ZNF280D: variants seen among roughly 807,000 people sequenced by gnomAD.
ZNF280D encodes zinc finger protein 280D.
A neutral mutation model predicts 94.7 loss-of-function variants in ZNF280D; 39 were observed. That is an observed-to-expected ratio of 0.41 (90% confidence interval 0.32 to 0.54). The LOEUF is 0.54. ZNF280D is among the 20% of genes least tolerant of loss of function. ZNF280D has a pLI of 0.22. For synonymous variants in ZNF280D, 398 were observed against 377.6 expected (o/e 1.05, Z -0.63); for missense variants, 1,090 against 1,149.3 (o/e 0.95, Z 0.75).
At chr15:56,666,308 GCTT>G in intron 16 of ZNF280D, 84 bp downstream of exon 16, 1 of 1,425,122 alleles carries the variant, frequency 7.0e-7, no homozygotes. Context: ...AGAAAAACTG[GCTT>G]CTAATAGGAT....
chr15:56,707,373 T>C, intron 1 of ZNF280D, 67 bp from the exon 2 acceptor site: 3 of 1,360,148 alleles, frequency 2.2e-6, no homozygotes, highest in Non-Finnish European at 3.0e-6. Context: ...TATTTAATCT[T>C]TTCTCCTATA....
intron 6 of ZNF280D, chr15:56,698,682 T>C (rs1282960686): frequency 6.6e-6 from 1 of 152,162 alleles, no homozygotes. Context: ...ATATATATGA[T>C]TTTTGTGTAC....
intron 10 of ZNF280D, among the ~76,000 whole-genome samples, chr15:56,680,693 T>C (rs556882233): frequency 6.7e-6 from 1 of 150,128 alleles, no homozygotes; most frequent in Non-Finnish European, 1.5e-5. Flanking sequence ...TCCAGGCTGG[T>C]CTGGAACTCC....
At chr15:56,657,800 A>G (rs1248887750) in intron 17 of ZNF280D, among the ~76,000 whole-genome samples, 11 of 152,164 alleles carry the variant, frequency 7.2e-5, no homozygotes, top group African/African-American at 2.7e-4. Context: ...GCTACTTTGG[A>G]AAACAGTCTG....
At position 56,678,766 on chromosome 15, in the gene ZNF280D, A is replaced by C; in HGVS notation, c.1060T>G (p.Trp354Gly). ...TGCTGGCAGGTGGTATGGTTTTCCC[A>C]GCTCTCACTGCTCTGCTTCTCAAGT... is the stretch of plus-strand genomic sequence containing the variant. ...LELEKQSSES[W>G]ENHTTCQHCY... The change falls in exon 11 of 22, where the codon TGG (tryptophan) becomes GGG (glycine). Residue 354 changes from tryptophan (W) to glycine (G), a missense_variant. Physicochemically the swap from Trp to Gly is radical, Grantham distance 184 (BLOSUM62 -2). This residue lies in a region of ZNF280D where 127 missense variants were observed against 208.6 expected (regional missense o/e 0.61). Coordinates refer to ENST00000267807, the MANE Select transcript of ZNF280D (RefSeq NM_017661.4). The C allele has an allele frequency of 6.2e-7, 1 of 1,612,912 alleles. No homozygotes were observed. Among genetic ancestry groups the C allele is most frequent in the Non-Finnish European group, 8.5e-7 (1 of 1,179,400 alleles).
In ZNF280D at chr15:56,631,436, A is replaced by T; in HGVS notation, c.*62T>A. On this transcript the variant is annotated 3_prime_UTR_variant, in exon 22 of 22. Transcript: ENST00000267807. ...AACCTACAACAGCACCACTGAGCTC[A>T]CCTGATAGCACTGTTCCAAATGCCC... 2 of 1,551,812 alleles carry T rather than the reference A, an allele frequency of 1.3e-6. No homozygotes were observed. Among genetic ancestry groups the T allele is most frequent in the Non-Finnish European group, 1.8e-6 (2 of 1,140,556 alleles).
chr15:56,665,245 G>C (rs1315428419), intron 16 of ZNF280D, among the ~76,000 whole-genome samples: 1 of 152,072 alleles, frequency 6.6e-6, no homozygotes, highest in Non-Finnish European at 1.5e-5. Flanking sequence ...TAATCTGCAA[G>C]AAAGTCACTT....
intron 6 of ZNF280D, 80 bp downstream of exon 6, chr15:56,700,853 T>G (rs1293449518): frequency 1.9e-6 from 3 of 1,610,106 alleles, no homozygotes; most frequent in African/African-American, 1.3e-5. Context: ...CAGTCCAGAA[T>G]TGTAACTGGG....
At chr15:56,693,516 T>C (rs1164148863) in intron 6 of ZNF280D, among the ~76,000 whole-genome samples, 4 of 152,060 alleles carry the variant, frequency 2.6e-5, no homozygotes, top group Admixed American at 6.6e-5. Context: ...GGCATATTCT[T>C]AGTTCAACTT....
intron 19 of ZNF280D, chr15:56,653,908 G>C: frequency 1.6e-6 from 2 of 1,265,770 alleles, no homozygotes; most frequent in South Asian, 5.2e-5. Flanking sequence ...AGTCCCATTT[G>C]AAAGCTGAAA....
chr15:56,695,362 T>C (rs1221469534), intron 6 of ZNF280D, among the ~76,000 whole-genome samples: 1 of 152,090 alleles, frequency 6.6e-6, no homozygotes, highest in South Asian at 2.1e-4. Context: ...GGTAAGCCAC[T>C]ATGCCCAGCC....
At chr15:56,636,416 G>T (rs1028295773) in intron 20 of ZNF280D, among the ~76,000 whole-genome samples, 1 of 151,262 alleles carries the variant, frequency 6.6e-6, no homozygotes, top group Non-Finnish European at 1.5e-5. Flanking sequence ...CTCCTTCCCC[G>T]CAACTTACAC....
chr15:56,653,921 A>C, intron 19 of ZNF280D: 1 of 1,295,254 alleles, frequency 7.7e-7, no homozygotes, highest in African/African-American at 1.5e-5. Flanking sequence ...AGCTGAAAAG[A>C]GCTGAATAAT....
intron 1 of ZNF280D, among the ~76,000 whole-genome samples, chr15:56,722,295 C>G (rs1198889962): frequency 6.6e-6 from 1 of 152,110 alleles, no homozygotes; most frequent in Non-Finnish European, 1.5e-5. Context: ...GTGACAGAGA[C>G]AAGAAGTGCT....
intron 10 of ZNF280D, among the ~76,000 whole-genome samples, chr15:56,679,281 G>C (rs527983887): frequency 1.3e-5 from 2 of 152,154 alleles, no homozygotes; most frequent in African/African-American, 4.8e-5. Flanking sequence ...ACAGAGTCAG[G>C]AGGAAATCTT....
intron 3 of ZNF280D, among the ~76,000 whole-genome samples, chr15:56,706,694 G>C (rs2057424093): frequency 6.6e-6 from 1 of 151,918 alleles, no homozygotes; most frequent in Non-Finnish European, 1.5e-5. Flanking sequence ...AACTCATATA[G>C]TATACAAAGG....
intron 1 of ZNF280D, among the ~76,000 whole-genome samples, chr15:56,727,229 G>A (rs1337636856): frequency 1.7e-5 from 1 of 58,350 alleles, no homozygotes; most frequent in Non-Finnish European, 3.4e-5. Flanking sequence ...CAGCACTTTG[G>A]GAGGTGGGTC....
chr15:56,703,076 T>C (rs2057181717), intron 4 of ZNF280D, among the ~76,000 whole-genome samples: 1 of 152,188 alleles, frequency 6.6e-6, no homozygotes, highest in Non-Finnish European at 1.5e-5. Context: ...GTACATTGTT[T>C]CTCTGCACTG....
At chr15:56,660,364 G>T (rs1028051878) in intron 16 of ZNF280D, among the ~76,000 whole-genome samples, 6 of 152,014 alleles carry the variant, frequency 3.9e-5, no homozygotes, top group African/African-American at 1.5e-4. Context: ...GATAGCCTCT[G>T]CATTTGTCTA....
Sources: allele counts gnomAD v4.1 joint callset (sites outside exome capture counted in the v4.1 genomes callset), GRCh38; gene constraint gnomAD v4.1.1; regional missense constraint gnomAD v4.1.1; transcripts MANE v1.5; gene names NCBI Gene and HGNC (gene_info 2026-07-23, HGNC 2026-07-21).